The following FLG variants were observed in gnomAD, a reference collection of about 807,000 sequenced individuals.
FLG encodes the protein filaggrin.
FLG carries 6 observed loss-of-function variants against 3.8 expected under a neutral mutation model. That is an observed-to-expected ratio of 1.60 (90% CI 0.87 to 3.15). FLG has a LOEUF of 3.15. Among genes scored for constraint, FLG ranks in the 30% most tolerant of loss-of-function variants. The probability of loss-of-function intolerance (pLI) is 0.00; values close to 1 mark genes in which losing one functional copy is unlikely to be tolerated. For missense variants in FLG, 7,595 were observed against 5,050.9 expected, an observed-to-expected ratio of 1.50 and a Z score of -15.27; for synonymous variants, 2,551 against 1,931.6, an observed-to-expected ratio of 1.32 and a Z score of -8.41.
Position 152,310,243 on chromosome 1 carries a change from T to A in FLG, c.4643A>T (p.Glu1548Val). 1 of 1,613,860 alleles carries A rather than the reference T, an allele frequency of 6.2e-7. No homozygotes were observed. Among genetic ancestry groups the A allele is most frequent in the Non-Finnish European group, 8.5e-7 (1 of 1,179,964 alleles). The change falls in exon 3 of 3, where the codon GAA (glutamate) becomes GTA (valine). Residue 1548 changes from glutamate (E) to valine (V), a missense_variant. Transcript: ENST00000368799. The part of the protein sequence containing the change: ...RSASRQTRNE[E>V]QSGDGSRHSG... ...GTGCCTGGAGCCGTCTCCTGATTGT[T>A]CCTCATTTCTTGTTTGCCTGCTTGC...
In FLG at chr1:152,305,165, C is replaced by T. The variant is rs202019721; in HGVS notation, c.9721G>A (p.Gly3241Arg). 1 of 1,613,838 alleles carries T rather than the reference C, an allele frequency of 6.2e-7. No homozygotes were observed. Among genetic ancestry groups the T allele is most frequent in the Admixed American group, 1.7e-5 (1 of 59,982 alleles). The change falls in exon 3 of 3, where the codon GGA becomes AGA. Residue 3241 changes from glycine to arginine, a missense_variant. Transcript: ENST00000368799. ...WSGSASRNHR[G>R]SVQEQSRHGS... ...TGCCTTGACTGCTCCTGAACAGATC[C>T]ACGATGGTTTCTGGAAGCAGACCCA... is the stretch of plus-strand genomic sequence containing the variant.
intron 2 of FLG, 35 bp downstream of exon 2, chr1:152,315,284 A>C: frequency 6.2e-7 from 1 of 1,606,230 alleles, no homozygotes; most frequent in Non-Finnish European, 8.5e-7. Context: ...GAGAAAAACA[A>C]ATGCTCTATC....
chr1:152,307,307 A>G lies in FLG; in HGVS notation c.7579T>C (p.Ser2527Pro). The G allele has an allele frequency of 1.2e-6, 2 of 1,613,302 alleles. No homozygotes were observed. The highest frequency in any genetic ancestry group is 2.2e-5 in the East Asian group (1 of 44,766). ...TGGTGACGCGACCCTGAGTGCCTGG[A>G]GCCGTCTCCTGATTGTTCATCGTTA... The part of the protein sequence containing the change: ...TRNDEQSGDG[S>P]RHSGSRHHEA... The change falls in exon 3 of 3, where the codon TCC becomes CCC. Residue 2527 changes from serine to proline, a missense_variant. Physicochemically the swap from Ser to Pro is moderately conservative, Grantham distance 74. Transcript: ENST00000368799.
Position 152,307,212 on chromosome 1 carries a change from C to T in FLG, c.7674G>A (p.Arg2558=), listed in dbSNP as rs1458990051. 6.2e-7 allele frequency: 1 copy of T among 1,612,916 alleles called. No homozygotes were observed. Among genetic ancestry groups the T allele is most frequent in the South Asian group, 1.1e-5 (1 of 91,070 alleles). Residue 2558 remains arginine (R), a synonymous_variant, in exon 3 of 3, where the codon AGG becomes AGA. Transcript: ENST00000368799. Reference sequence around the variant, plus strand: ...AACTGGATCCCCAGTTCCTGCTTGTCCTGGGCCCCTCTGATTGTCCCTGGC... The same window carrying T: ...AACTGGATCCCCAGTTCCTGCTTGTTCTGGGCCCCTCTGATTGTCCCTGGC... ...QVGQGQSEGP[R]TSRNWGSSFS...
Position 152,309,857 on chromosome 1 carries a change from G to C in FLG, c.5029C>G (p.Pro1677Ala), listed in dbSNP as rs373806639. 22 of 1,613,672 alleles carry C rather than the reference G, an allele frequency of 1.4e-5. No individual in the cohort carries two copies. Among genetic ancestry groups the C allele is most frequent in the Middle Eastern group, 1.6e-4 (1 of 6,084 alleles). The change falls in exon 3 of 3, where the codon CCA becomes GCA. Residue 1677 changes from proline to alanine, a missense_variant. Transcript: ENST00000368799. Reference protein sequence around the residue: ...ASSQEQARSSPGERHGSRHQQ... With the variant: ...ASSQEQARSSAGERHGSRHQQ... ...TGGCGGGATCCATGTCTTTCTCCTGGACTTGACCTTGCCTGTTCCTGGGAT... is the reference window on the plus strand; with the variant it reads ...TGGCGGGATCCATGTCTTTCTCCTGCACTTGACCTTGCCTGTTCCTGGGAT...
chr1:152,310,667 T>C lies in FLG; in HGVS notation c.4219A>G (p.Thr1407Ala). The C allele has an allele frequency of 5.0e-6, 8 of 1,614,068 alleles. No individual in the cohort carries two copies. Among genetic ancestry groups the C allele is most frequent in the Non-Finnish European group, 6.8e-6 (8 of 1,179,998 alleles). The change falls in exon 3 of 3, where the codon ACA becomes GCA. Residue 1407 changes from threonine (T) to alanine (A), a missense_variant. Thr to Ala is a moderately conservative substitution (Grantham distance 58). Coordinates refer to ENST00000368799, the MANE Select transcript of FLG (RefSeq NM_002016.2). Reference protein sequence around the residue: ...NSEGHSEDSDTQSVSAHGQAG... With the variant: ...NSEGHSEDSDAQSVSAHGQAG... ...TGTCCGTGGGCTGACACTGACTGTGTGTCTGAGTCTTCTGAATGTCCCTCA... is the reference window on the plus strand; with the variant it reads ...TGTCCGTGGGCTGACACTGACTGTGCGTCTGAGTCTTCTGAATGTCCCTCA...
rs142965862 is a variant in FLG, at chr1:152,304,266, G to A, written c.10620C>T (p.Ser3540=). 260 of 1,613,032 alleles carry A rather than the reference G, an allele frequency of 1.6e-4. 2 individuals are homozygous for A. Among genetic ancestry groups the A allele is most frequent in the Non-Finnish European group, 1.9e-4 (227 of 1,179,656 alleles). The change falls in exon 3 of 3, where the codon AGC becomes AGT. Residue 3540 remains serine, a synonymous_variant. Transcript: ENST00000368799. ...RTSRNQGSSV[S]QDSDSQGHSE... ...AGTGTCCCTGACTGTCACTGTCCTG[G>A]CTAACACTGGATCCCTGGTTCCTGC...
chr1:152,309,565 T>C lies in FLG; in HGVS notation c.5321A>G (p.Gln1774Arg). ...SFLYQVSTHE[Q>R]SESAHGRTGP... is the part of the protein sequence containing the mutation. ...TGTGCGTCCATGGGCGGACTCAGAC[T>C]GTTCATGAGTGCTCACCTGGTAGAG... The change falls in exon 3 of 3, where the codon CAG (glutamine) becomes CGG (arginine). Residue 1774 changes from glutamine to arginine, a missense_variant. Transcript: ENST00000368799. The C allele has an allele frequency of 6.2e-7, 1 of 1,613,970 alleles. No homozygotes were observed.
Position 152,305,256 on chromosome 1 carries a change from G to T in FLG, c.9630C>A (p.Arg3210=), listed in dbSNP as rs778158485. Residue 3210 remains arginine (R), a synonymous_variant, in exon 3 of 3, where the codon CGC becomes CGA. Coordinates refer to ENST00000368799, the MANE Select transcript of FLG (RefSeq NM_002016.2). ...TGTCCTGGCTCACACTGGATCCCTG[G>T]CGCCTGCTTCTCCTGGACCCCTCTG... ...GQSEGSRRSR[R]QGSSVSQDSD... The T allele has an allele frequency of 3.1e-6, 5 of 1,612,466 alleles. No individual in the cohort carries two copies. The highest frequency in any genetic ancestry group is 4.2e-6 in the Non-Finnish European group (5 of 1,179,734).
chr1:152,318,472 T>G lies in FLG; in HGVS notation c.-21-2995A>C, dbSNP rs766733913. 2.0e-5 allele frequency among the ~76,000 whole-genome samples: 3 copies of G among 151,918 alleles called. No individual in the cohort carries two copies. In the South Asian group the frequency reaches 6.2e-4, roughly 32 times the overall value. On this transcript the variant is annotated intron_variant, in intron 1 of 2. Transcript: ENST00000368799. The stretch of plus-strand genomic sequence containing the variant: ...ATTCTTCTGATATTCCTCTTACCCA[T>G]TGAATGCTGTTGTCTCTCAGTATTC...
chr1:152,312,188 C>T lies in FLG; in HGVS notation c.2698G>A (p.Glu900Lys). ...RSASRTTRNE[E>K]QSRDGSRHSG... is the part of the protein sequence containing the mutation. ...TGCCTGGAGCCGTCTCTTGATTGTT[C>T]CTCATTACGTGTTGTTCTGCTTGCA... The change falls in exon 3 of 3, where the codon GAA becomes AAA. Residue 900 changes from glutamate to lysine, a missense_variant. Transcript: ENST00000368799. 1 of 1,613,914 alleles carries T rather than the reference C, an allele frequency of 6.2e-7. No individual in the cohort carries two copies. Among genetic ancestry groups the T allele is most frequent in the Non-Finnish European group, 8.5e-7 (1 of 1,179,996 alleles).
chr1:152,307,495 C>T lies in FLG; in HGVS notation c.7391G>A (p.Gly2464Glu), dbSNP rs1652055942. Residue 2464 changes from glycine to glutamate, a missense_variant, in exon 3 of 3, where the codon GGA becomes GAA. Coordinates refer to ENST00000368799, the MANE Select transcript of FLG (RefSeq NM_002016.2). ...TCCTCCACTGCTTGACCCCGGGTGT[C>T]CATGAATGGTGTCCTGACCCTCTTG... ...TSQEGQDTIH[G>E]HPGSSSGGRQ... 1 of 1,613,368 alleles carries T rather than the reference C, an allele frequency of 6.2e-7. No homozygotes were observed. The highest frequency in any genetic ancestry group is 8.5e-7 in the Non-Finnish European group (1 of 1,179,792).
At position 152,307,567 on chromosome 1, in the gene FLG, C is replaced by A; in HGVS notation, c.7319G>T (p.Gly2440Val). Reference protein sequence around the residue: ...RTGTSTGGRQGSHHKQARDSS... With the variant: ...RTGTSTGGRQVSHHKQARDSS... ...GTCTCGTGCCTGCTTGTGGTGGGAT[C>A]CTTGTCTTCCTCCAGTGCTGGTCCC... Residue 2440 changes from glycine (G) to valine (V), a missense_variant, in exon 3 of 3, where the codon GGA becomes GTA. Coordinates refer to ENST00000368799, the MANE Select transcript of FLG (RefSeq NM_002016.2). 2 of 1,613,778 alleles carry A rather than the reference C, an allele frequency of 1.2e-6. No individual in the cohort carries two copies. Among genetic ancestry groups the A allele is most frequent in the Non-Finnish European group, 1.7e-6 (2 of 1,179,958 alleles).
intron 1 of FLG, among the ~76,000 whole-genome samples, chr1:152,317,990 A>G (rs769696660): frequency 3.3e-5 from 5 of 151,978 alleles, no homozygotes; most frequent in African/African-American, 4.8e-5. Flanking sequence ...TCCTACTTTC[A>G]AAATATCCCT....
rs756314779 is a variant in FLG at position 152,309,788 on chromosome 1, T to C, written c.5098A>G (p.Arg1700Gly). The change falls in exon 3 of 3, where the codon AGA (arginine) becomes GGA (glycine). Residue 1700 changes from arginine (R) to glycine (G), a missense_variant. Coordinates refer to ENST00000368799, the MANE Select transcript of FLG (RefSeq NM_002016.2). ...DSSTDSGTGRRQDSSVVGDSG... is the reference protein window; with the variant it reads ...DSSTDSGTGRGQDSSVVGDSG... ...TCTCCGACTACAGATGAATCTTGTCTGCGCCCAGTGCCTGAGTCTGTGGAG... is the reference window on the plus strand; with the variant it reads ...TCTCCGACTACAGATGAATCTTGTCCGCGCCCAGTGCCTGAGTCTGTGGAG... 3.1e-6 allele frequency: 5 copies of C among 1,613,998 alleles called. No homozygotes were observed. The highest frequency in any genetic ancestry group is 4.2e-6 in the Non-Finnish European group (5 of 1,179,984).
Position 152,307,453 on chromosome 1 carries a change from T to A in FLG, c.7433A>T (p.Tyr2478Phe). Residue 2478 changes from tyrosine to phenylalanine, a missense_variant, in exon 3 of 3, where the codon TAC becomes TTC. Tyr to Phe is a conservative substitution (Grantham distance 22). Transcript: ENST00000368799. The stretch of plus-strand genomic sequence containing the variant: ...TCCAGATCTATCTACCAATTGCTCG[T>A]AGTGGGATCCCTGCCTTCCTCCACT... ...SSSGGRQGSH[Y>F]EQLVDRSGHS... 6.2e-7 allele frequency: 1 copy of A among 1,613,284 alleles called. No individual in the cohort carries two copies.
rs753803059 is a variant in FLG at position 152,309,504 on chromosome 1, G to A, written c.5382C>T (p.His1794=). The part of the protein sequence containing the change: ...PSTGGRQRSR[H]EQARDSSRHS... ...GCCTGGAGCTGTCTCGTGCCTGCTC[G>A]TGGCGGGATCTTTGTCTTCCTCCAG... The change falls in exon 3 of 3, where the codon CAC becomes CAT. Residue 1794 remains histidine (H), a synonymous_variant. Coordinates refer to ENST00000368799, the MANE Select transcript of FLG (RefSeq NM_002016.2). 79 of 1,613,712 alleles carry A rather than the reference G, an allele frequency of 4.9e-5. No individual in the cohort carries two copies. In the Middle Eastern group the frequency reaches 6.6e-4, roughly 13 times the overall value.
intron 1 of FLG, among the ~76,000 whole-genome samples, chr1:152,322,609 G>T (rs1257197310): frequency 1.3e-5 from 2 of 150,798 alleles, no homozygotes; most frequent in African/African-American, 2.4e-5. Context: ...TAAGTGCTGA[G>T]AAAATGAAAT....
Position 152,311,375 on chromosome 1 carries a change from A to C in FLG, c.3511T>G (p.Ser1171Ala). ...GATCCCTGCCTTCCTCCTCTCCTTG[A>C]CCCCGGGTGTGCACGAATGGTGTCC... is the stretch of plus-strand genomic sequence containing the variant. ...GQDTIRAHPGSRRGGRQGSHH... is the reference protein window; with the variant it reads ...GQDTIRAHPGARRGGRQGSHH... Residue 1171 changes from serine to alanine, a missense_variant, in exon 3 of 3, where the codon TCA becomes GCA. By Grantham distance (99) the Ser-to-Ala change is moderately conservative. Coordinates refer to ENST00000368799, the MANE Select transcript of FLG (RefSeq NM_002016.2). 6.2e-7 allele frequency: 1 copy of C among 1,609,640 alleles called. No individual in the cohort carries two copies. Among genetic ancestry groups the C allele is most frequent in the Non-Finnish European group, 8.5e-7 (1 of 1,179,120 alleles).
Sources: gnomAD v4.1 joint callset for allele counts (sites outside exome capture counted in the v4.1 genomes callset) on GRCh38, gnomAD v4.1.1 for gene constraint, MANE v1.5 for transcripts, NCBI Gene and HGNC (gene_info 2026-07-23, HGNC 2026-07-21) for gene names.